Variants in NTRK3 observed in about 807,000 individuals in gnomAD.
NTRK3 encodes the protein NT-3 growth factor receptor.
In NTRK3, 24 loss-of-function variants were observed where a neutral mutation model predicts 91.7. The ratio of observed to expected loss-of-function variants is 0.26; its 90% CI spans 0.19 to 0.37. The LOEUF is 0.37. Among genes scored for constraint, NTRK3 ranks in the 10% least tolerant of loss-of-function variants. NTRK3 has a pLI of 1.00. For missense variants in NTRK3, 880 were observed against 1,068.9 expected (o/e 0.82, Z 2.46); for synonymous variants, 483 against 404.0 (o/e 1.20, Z -2.34).
At chr15:87,899,623 A>G (rs1372930486) in intron 17 of NTRK3, among the ~76,000 whole-genome samples, 1 of 152,174 alleles carries the variant, frequency 6.6e-6, no homozygotes, top group African/African-American at 2.4e-5. Flanking sequence ...TGCCAGAAGG[A>G]GCTGGAGAGG....
intron 13 of NTRK3, among the ~76,000 whole-genome samples, chr15:88,087,440 T>C (rs948094186): frequency 6.6e-6 from 1 of 152,118 alleles, no homozygotes; most frequent in East Asian, 1.9e-4. Flanking sequence ...ATCCCAGTAA[T>C]AAATTTCCAC....
At chr15:87,866,785 G>A (rs910735579) in exon 19 of NTRK3, 2 of 193,294 alleles carry the variant, frequency 1.0e-5, no homozygotes, top group African/African-American at 4.6e-5. Context: ...TCACAGAAAA[G>A]GTTTCATTTG....
At chr15:88,078,765 T>C (rs1015614647) in intron 13 of NTRK3, among the ~76,000 whole-genome samples, 8 of 152,146 alleles carry the variant, frequency 5.3e-5, no homozygotes, top group African/African-American at 1.9e-4. Flanking sequence ...TAAGGAGTCC[T>C]GGGGAAGCGA....
chr15:88,212,760 A>ACACACACACAC (rs2049373897), intron 3 of NTRK3, among the ~76,000 whole-genome samples: 1 of 92,528 alleles, frequency 1.1e-5, no homozygotes, highest in African/African-American at 4.0e-5. Flanking sequence ...ACACACACAC[A>ACACACACACAC]TCCCAGGCCC....
In NTRK3 at chr15:88,160,814, G is replaced by A. The variant is rs1303643743; in HGVS notation, c.396-13411C>T. ...CACACTACTCTGGAAGGGAACAGTG[G>A]CTGTGTGGGTTTGGAAAAGCATTTA... is the stretch of plus-strand genomic sequence containing the variant. On this transcript the variant is annotated intron_variant, in intron 5 of 18. Coordinates refer to ENST00000394480, the Ensembl canonical transcript of NTRK3. Among the ~76,000 whole-genome samples, 3 of 152,184 alleles carry A rather than the reference G, an allele frequency of 2.0e-5. No individual in the cohort carries two copies. The East Asian group carries it at 5.8e-4, about 29-fold the overall frequency.
Position 88,194,797 on chromosome 15 carries a change from T to G in NTRK3, c.249-10498A>C, listed in dbSNP as rs2047683852. Among the ~76,000 whole-genome samples the G allele has an allele frequency of 2.0e-5, 3 of 152,222 alleles. No individual in the cohort carries two copies. In the South Asian group the frequency reaches 6.2e-4, roughly 32 times the overall value. On this transcript the variant is annotated intron_variant, in intron 3 of 18. Coordinates refer to ENST00000394480, the Ensembl canonical transcript of NTRK3. ...ATGACCAGCAGGATCCTTCCTCATGTAACATATGCCATTCCCTCCTCAGCT... is the reference window on the plus strand; with the variant it reads ...ATGACCAGCAGGATCCTTCCTCATGGAACATATGCCATTCCCTCCTCAGCT...
chr15:87,882,657 T>C (rs1306478811), intron 17 of NTRK3, among the ~76,000 whole-genome samples: 1 of 152,098 alleles, frequency 6.6e-6, no homozygotes, highest in Non-Finnish European at 1.5e-5. Context: ...AAAAGCCTGA[T>C]AAAGGCTGTA....
chr15:88,010,367 T>A (rs2076789325), intron 14 of NTRK3, among the ~76,000 whole-genome samples: 1 of 152,166 alleles, frequency 6.6e-6, no homozygotes, highest in Non-Finnish European at 1.5e-5. Flanking sequence ...CAATTTCTCA[T>A]TCTGGGTGAA....
At chr15:88,181,506 C>T (rs2046453807) in intron 5 of NTRK3, among the ~76,000 whole-genome samples, 1 of 152,158 alleles carries the variant, frequency 6.6e-6, no homozygotes, top group African/African-American at 2.4e-5. Flanking sequence ...CTAAGAGCTG[C>T]AGGGACACCG....
chr15:88,043,723 C>A (rs1318297062), intron 13 of NTRK3, among the ~76,000 whole-genome samples: 2 of 152,266 alleles, frequency 1.3e-5, no homozygotes, highest in South Asian at 2.1e-4. Flanking sequence ...TCCTGGATGG[C>A]TTCAATATGA....
At chr15:88,122,189 T>C (rs1311465658) in intron 13 of NTRK3, among the ~76,000 whole-genome samples, 5 of 152,262 alleles carry the variant, frequency 3.3e-5, no homozygotes, top group African/African-American at 4.8e-5. Flanking sequence ...TATATATGCA[T>C]GTCTGTGTGT....
At chr15:87,901,913 A>G (rs2066481125) in intron 17 of NTRK3, among the ~76,000 whole-genome samples, 1 of 152,230 alleles carries the variant, frequency 6.6e-6, no homozygotes, top group East Asian at 1.9e-4. Context: ...TTCACCACCA[A>G]GTTAAAGTTC....
At chr15:88,131,930 G>A (rs2041397360) in intron 10 of NTRK3, 1 of 199,602 alleles carries the variant, frequency 5.0e-6, no homozygotes, top group Non-Finnish European at 1.0e-5. Flanking sequence ...CGCTTGTCCA[G>A]CACACCAAGG....
intron 14 of NTRK3, among the ~76,000 whole-genome samples, chr15:87,976,796 C>T (rs956105986): frequency 1.8e-4 from 28 of 152,256 alleles, no homozygotes; most frequent in African/African-American, 5.3e-4. Context: ...TTGACCTGTA[C>T]GCCCAAAGCC....
chr15:88,048,491 A>T (rs2080466133), intron 13 of NTRK3, among the ~76,000 whole-genome samples: 1 of 152,130 alleles, frequency 6.6e-6, no homozygotes, highest in African/African-American at 2.4e-5. Flanking sequence ...CCCCACAGAG[A>T]TGTAGAATGT....
intron 14 of NTRK3, among the ~76,000 whole-genome samples, chr15:88,016,075 G>A (rs1324013655): frequency 6.6e-6 from 1 of 152,036 alleles, no homozygotes; most frequent in Non-Finnish European, 1.5e-5. Flanking sequence ...TTATTAGCCT[G>A]TGCATATAAG....
intron 17 of NTRK3, among the ~76,000 whole-genome samples, chr15:87,901,125 A>T (rs1053282764): frequency 6.6e-6 from 1 of 152,188 alleles, no homozygotes; most frequent in Admixed American, 6.5e-5. Flanking sequence ...ATTCCAGGCC[A>T]TAATCTGAGG....
intron 17 of NTRK3, among the ~76,000 whole-genome samples, chr15:87,881,677 C>T (rs1282304464): frequency 6.6e-6 from 1 of 151,976 alleles, no homozygotes; most frequent in East Asian, 1.9e-4. Flanking sequence ...CCTCGGCCTC[C>T]CAAAGTGCTG....
At chr15:87,959,829 G>T (rs145459243) in intron 14 of NTRK3, among the ~76,000 whole-genome samples, 2 of 152,184 alleles carry the variant, frequency 1.3e-5, no homozygotes, top group Admixed American at 1.3e-4. Flanking sequence ...GGCTAAGAGG[G>T]AGCCAAATGT....
Sources: gnomAD v4.1 joint callset for allele counts (sites outside exome capture counted in the v4.1 genomes callset) on GRCh38, gnomAD v4.1.1 for gene constraint, MANE v1.5 for transcripts, NCBI Gene and HGNC (gene_info 2026-07-23, HGNC 2026-07-21) for gene names.